The following AGBL3 variants were observed in gnomAD, a reference collection of about 807,000 sequenced individuals.
AGBL3 encodes AGBL carboxypeptidase 3.
Under a neutral mutation model 94.5 loss-of-function variants are expected in AGBL3, and 68 were observed. That is an observed-to-expected ratio of 0.72 (90% CI 0.59 to 0.88). The LOEUF is 0.88. Among genes scored for constraint, AGBL3 ranks in the 40% least tolerant of loss-of-function variants. The probability of loss-of-function intolerance (pLI) is 0.00; values close to 1 mark genes in which losing one functional copy is unlikely to be tolerated. For missense variants in AGBL3, 934 were observed against 1,103.8 expected, an observed-to-expected ratio of 0.85 and a Z score of 2.18; for synonymous variants, 354 against 370.7, an observed-to-expected ratio of 0.95 and a Z score of 0.52.
chr7:135,096,540 A>AAAAG lies in AGBL3; in HGVS notation c.2110+14768_2110+14771dup, dbSNP rs58038162. 6.2e-5 allele frequency among the ~76,000 whole-genome samples: 4 copies of AAAAG among 64,442 alleles called. 1 individual carries two copies. The highest frequency in any genetic ancestry group is 1.2e-3 in the South Asian group (2 of 1,648). The allele number at this position is 64,442 out of a possible 152,430, so 42.3% of individuals were successfully genotyped here. On this transcript the variant is annotated intron_variant, in intron 15 of 16. Coordinates refer to ENST00000436302, the MANE Select transcript of AGBL3 (RefSeq NM_178563.4). ...AGAAAAAGAGAAAAAAACAAAAAGA[A>AAAAG]AAAGAAAGAAAGAAAGAAAGATAGA... is the stretch of plus-strand genomic sequence containing the variant.
At chr7:135,098,034 T>G (rs147815591) in intron 15 of AGBL3, among the ~76,000 whole-genome samples, 212 of 152,266 alleles carry the variant, frequency 1.4e-3, no homozygotes, top group Middle Eastern at 0.01. Context: ...AACAGGATAT[T>G]TTAGATATGG....
At chr7:135,021,655 G>C (rs572118173) in intron 5 of AGBL3, among the ~76,000 whole-genome samples, 2 of 96,850 alleles carry the variant, frequency 2.1e-5, no homozygotes, top group South Asian at 1.0e-3. Flanking sequence ...GCATATCATT[G>C]GGATTTGCTT....
chr7:135,081,851 TC>T, intron 15 of AGBL3, 61 bp downstream of exon 15: 1 of 1,065,126 alleles, frequency 9.4e-7, no homozygotes, highest in Non-Finnish European at 1.3e-6. Context: ...ATGTTATTTT[TC>T]TCTCTAGCTC....
At chr7:135,022,914 T>C (rs1814666850) in intron 5 of AGBL3, among the ~76,000 whole-genome samples, 1 of 152,192 alleles carries the variant, frequency 6.6e-6, no homozygotes, top group African/African-American at 2.4e-5. Context: ...TTATTTCTTT[T>C]TAATTCTTTG....
chr7:135,085,662 A>C (rs1464143415), intron 15 of AGBL3, among the ~76,000 whole-genome samples: 4 of 152,030 alleles, frequency 2.6e-5, no homozygotes, highest in African/African-American at 9.7e-5. Context: ...TCTGTAAATA[A>C]GTAGATTTAT....
chr7:135,096,742 TGAAAGAAAGAAAGAAAGAAAGAAA>T lies in AGBL3; in HGVS notation c.2110+14981_2110+15004del, dbSNP rs3038284. Among the ~76,000 whole-genome samples the T allele has an allele frequency of 1.8e-3, 178 of 101,184 alleles. 1 individual carries two copies. The highest frequency in any genetic ancestry group is 6.2e-3 in the African/African-American group (164 of 26,256). 66.4% of individuals were successfully genotyped at this position (101,184 alleles called of 152,430 possible). ...AAAGAGAAGAAAGAAAGAGAAAGAA[TGAAAGAAAGAAAGAAAGAAAGAAA>T]GAAAGAAAGAAAGAAAGAAAGAAAG... is the stretch of plus-strand genomic sequence containing the variant. On this transcript the variant is annotated intron_variant, in intron 15 of 16. Transcript: ENST00000436302.
At chr7:135,086,310 C>T (rs1488815338) in intron 15 of AGBL3, among the ~76,000 whole-genome samples, 6 of 151,894 alleles carry the variant, frequency 4.0e-5, no homozygotes, top group African/African-American at 1.4e-4. Context: ...TTTGGATGCC[C>T]TTTATTTCTT....
chr7:135,090,704 C>A (rs560130666), intron 15 of AGBL3, among the ~76,000 whole-genome samples: 59 of 152,276 alleles, frequency 3.9e-4, no homozygotes, highest in Non-Finnish European at 6.6e-4. Flanking sequence ...GGCATGACTA[C>A]ACTGAGCAGC....
In AGBL3 at chr7:135,059,357, A is replaced by G. The variant is rs910577753; in HGVS notation, c.1908+122A>G. 2.0e-5 allele frequency: 11 copies of G among 543,470 alleles called. No individual in the cohort carries two copies. The African/African-American group carries it at 2.2e-4, about 11-fold the overall frequency. 33.7% of individuals were successfully genotyped at this position (543,470 alleles called of 1,614,324 possible). A position where few individuals can be genotyped will look rare whatever the true frequency, so the allele number is the denominator to read the frequency against. On this transcript the variant is annotated intron_variant, in intron 12 of 16. Coordinates refer to ENST00000436302, the MANE Select transcript of AGBL3 (RefSeq NM_178563.4). ...TTATTGTATCATCATTTATTTTCTA[A>G]CTATGTAGATATTTTAAATCATAGA...
chr7:135,021,933 C>T (rs767955260), intron 5 of AGBL3, among the ~76,000 whole-genome samples: 2 of 152,062 alleles, frequency 1.3e-5, no homozygotes, highest in Non-Finnish European at 2.9e-5. Flanking sequence ...TTTTCTGTTC[C>T]TGTATTAGTC....
intron 5 of AGBL3, among the ~76,000 whole-genome samples, chr7:135,021,695 C>G (rs1323478754): frequency 6.8e-6 from 1 of 146,188 alleles, no homozygotes; most frequent in Non-Finnish European, 1.5e-5. Flanking sequence ...CATACATGTG[C>G]AGAATGTGCA....
In AGBL3 at chr7:134,991,208, G is replaced by GA. The variant is rs1319913385; in HGVS notation, c.124+1898_124+1899insA. ...GAGACATTTGTGTGTGGGTGGGGGG[G>GA]GGGTTGGTTAAAATTTCAGTTAAGT... On this transcript the variant is annotated intron_variant, in intron 3 of 16. Transcript: ENST00000436302. Among the ~76,000 whole-genome samples the GA allele has an allele frequency of 1.5e-4, 17 of 113,932 alleles. 1 individual carries two copies. The highest frequency in any genetic ancestry group is 5.6e-4 in the African/African-American group (17 of 30,520). The allele number at this position is 113,932 out of a possible 152,430, so 74.7% of individuals were successfully genotyped here.
intron 16 of AGBL3, chr7:135,129,450 G>T: frequency 1.3e-6 from 1 of 779,362 alleles, no homozygotes; most frequent in South Asian, 1.3e-5. Context: ...GGAAAGTAAG[G>T]AGTGGCTAGA....
In AGBL3 at chr7:135,135,238, C is replaced by T. The variant is rs1200158723; in HGVS notation, c.2740C>T (p.Leu914=). The change falls in exon 17 of 17, where the codon CTG becomes TTG. Residue 914 remains leucine (L), a synonymous_variant. Transcript: ENST00000436302. The part of the protein sequence containing the change: ...NKNDGQPTLY[L]KFQRES ...GAATGATGGACAACCCACCTTATAT[C>T]TGAAGTTCCAAAGGGAGAGTTAATC... 6.5e-7 allele frequency: 1 copy of T among 1,529,100 alleles called. No individual in the cohort carries two copies. 94.7% of individuals were successfully genotyped at this position (1,529,100 alleles called of 1,614,324 possible).
intron 5 of AGBL3, among the ~76,000 whole-genome samples, chr7:135,030,554 A>G (rs1271684353): frequency 6.6e-6 from 1 of 152,168 alleles, no homozygotes; most frequent in Non-Finnish European, 1.5e-5. Context: ...AGATTTGGTT[A>G]TCTTAATATT....
chr7:135,026,695 C>G (rs1056461775), intron 5 of AGBL3, among the ~76,000 whole-genome samples: 27 of 151,606 alleles, frequency 1.8e-4, no homozygotes, highest in Admixed American at 1.8e-3. Context: ...CTTAGAATAA[C>G]TCCCCGTTTT....
In AGBL3 at chr7:135,010,014, GGAT is replaced by G. The variant is rs1812911445; in HGVS notation, c.311-7035_311-7033del. On this transcript the variant is annotated intron_variant, in intron 4 of 16. Transcript: ENST00000436302. ...ATTTTATTTTTTGTTGTAAGGGTGAGGATGACACTTTTTTTTTTTTTTTTAAGA... is the reference window on the plus strand; with the variant it reads ...ATTTTATTTTTTGTTGTAAGGGTGAGGACACTTTTTTTTTTTTTTTTAAGA... The G allele has an allele frequency of 1.4e-5, 6 of 426,494 alleles. No individual in the cohort carries two copies. The Admixed American group carries it at 1.6e-4, about 12-fold the overall frequency. 26.4% of individuals were successfully genotyped at this position (426,494 alleles called of 1,614,324 possible).
intron 12 of AGBL3, among the ~76,000 whole-genome samples, chr7:135,066,934 G>A (rs982628152): frequency 3.9e-5 from 6 of 152,222 alleles, no homozygotes; most frequent in South Asian, 4.1e-4. Flanking sequence ...GAAGCAGGGC[G>A]AGGCATTGCC....
At position 135,035,065 on chromosome 7, in the gene AGBL3, G is replaced by A. The variant is rs182189372; in HGVS notation, c.1337+137G>A. On this transcript the variant is annotated intron_variant, in intron 7 of 16. Transcript: ENST00000436302. ...TGTATAACTACTTTATTTTTTCCCC[G>A]TTATTCACAACTGTGATTCTATACC... 134 of 783,742 alleles carry A rather than the reference G, an allele frequency of 1.7e-4. 1 individual carries two copies. The highest frequency in any genetic ancestry group is 1.1e-3 in the East Asian group (35 of 33,192). 48.5% of individuals were successfully genotyped at this position (783,742 alleles called of 1,614,324 possible). A position where few individuals can be genotyped will look rare whatever the true frequency, so the allele number is the denominator to read the frequency against.
Sources: gnomAD v4.1 joint callset for allele counts (sites outside exome capture counted in the v4.1 genomes callset) on GRCh38, gnomAD v4.1.1 for gene constraint, MANE v1.5 for transcripts, NCBI Gene and HGNC (gene_info 2026-07-23, HGNC 2026-07-21) for gene names.